GLRA3: variants seen among roughly 807,000 people sequenced by gnomAD.
GLRA3 encodes glycine receptor subunit alpha-3.
Under a neutral mutation model 60.4 loss-of-function variants are expected in GLRA3, and 44 were observed. That is an observed-to-expected ratio of 0.73 (90% CI 0.57 to 0.94). The LOEUF (loss-of-function observed/expected upper bound fraction) is 0.94, where lower values mean the gene tolerates loss of function less well. GLRA3 is among the 40% of genes least tolerant of loss of function. GLRA3 has a pLI of 0.00. For synonymous variants in GLRA3, 223 were observed against 192.9 expected (o/e 1.16, Z -1.29); for missense variants, 508 against 564.6 (o/e 0.90, Z 1.02).
At chr4:174,685,595 G>C (rs1240926534) in intron 5 of GLRA3, among the ~76,000 whole-genome samples, 1 of 152,162 alleles carries the variant, frequency 6.6e-6, no homozygotes, top group Non-Finnish European at 1.5e-5. Flanking sequence ...TAACACAGCA[G>C]GGACTTAATA....
At chr4:174,677,955 GT>G (rs532806041) in intron 6 of GLRA3, among the ~76,000 whole-genome samples, 47 of 152,228 alleles carry the variant, frequency 3.1e-4, no homozygotes, top group Admixed American at 1.6e-3. Flanking sequence ...CTCATAGACT[GT>G]TTCTGGTGTT....
rs757226376 is a variant in GLRA3, at chr4:174,828,730, A to G, written c.71+11T>C. On this transcript the variant is annotated intron_variant, in intron 1 of 9. Coordinates refer to ENST00000274093, the MANE Select transcript of GLRA3 (RefSeq NM_006529.4). ...ATGAGTTCTCCGACTGTTAAATCCA[A>G]GCGAACTCACCTGAGTAACAGTGCT... The G allele has an allele frequency of 1.9e-6, 3 of 1,574,320 alleles. No individual in the cohort carries two copies. The highest frequency in any genetic ancestry group is 2.2e-5 in the South Asian group (2 of 90,182).
intron 1 of GLRA3, among the ~76,000 whole-genome samples, chr4:174,791,789 A>G (rs1739356837): frequency 6.6e-6 from 1 of 152,184 alleles, no homozygotes; most frequent in Non-Finnish European, 1.5e-5. Context: ...TGAAAACTGG[A>G]CATTTTAAGT....
intron 1 of GLRA3, among the ~76,000 whole-genome samples, chr4:174,823,627 A>G (rs1740838169): frequency 6.6e-6 from 1 of 152,210 alleles, no homozygotes; most frequent in Admixed American, 6.5e-5. Flanking sequence ...TGGGCAAATT[A>G]AGGAGGCTTT....
intron 5 of GLRA3, among the ~76,000 whole-genome samples, chr4:174,706,052 A>G (rs1414419691): frequency 6.6e-6 from 1 of 151,770 alleles, no homozygotes; most frequent in East Asian, 1.9e-4. Context: ...ACATGGTGAA[A>G]CCCCGTCTCT....
At chr4:174,684,899 C>T (rs1408746125) in intron 5 of GLRA3, among the ~76,000 whole-genome samples, 2 of 152,098 alleles carry the variant, frequency 1.3e-5, no homozygotes, top group East Asian at 3.9e-4. Flanking sequence ...ATCCCAGCTA[C>T]TTGGGAGGCT....
chr4:174,726,821 T>C (rs1736343302), intron 4 of GLRA3, among the ~76,000 whole-genome samples: 1 of 151,668 alleles, frequency 6.6e-6, no homozygotes, highest in Non-Finnish European at 1.5e-5. Flanking sequence ...AGATTCTTGC[T>C]ATCTTTTGAT....
intron 1 of GLRA3, among the ~76,000 whole-genome samples, chr4:174,820,589 C>A (rs929001203): frequency 2.0e-5 from 3 of 152,112 alleles, no homozygotes; most frequent in African/African-American, 7.2e-5. Context: ...TTAGGGAGAC[C>A]AGAGGCTTCT....
At chr4:174,773,568 A>G (rs1228715554) in intron 2 of GLRA3, among the ~76,000 whole-genome samples, 3 of 152,202 alleles carry the variant, frequency 2.0e-5, no homozygotes, top group African/African-American at 7.2e-5. Context: ...AATGCAACTA[A>G]AAGATTAAAT....
At chr4:174,797,282 A>G (rs1246737379) in intron 1 of GLRA3, among the ~76,000 whole-genome samples, 6 of 152,196 alleles carry the variant, frequency 3.9e-5, no homozygotes, top group Admixed American at 3.9e-4. Context: ...TAAGATTGTT[A>G]GCAAATTAGC....
In GLRA3 at chr4:174,755,296, C is replaced by A. The variant is rs146778139; in HGVS notation, c.267+11667G>T. On this transcript the variant is annotated intron_variant, in intron 3 of 9. Coordinates refer to ENST00000274093, the MANE Select transcript of GLRA3 (RefSeq NM_006529.4). ...AGCATGTCGCTAGCTGTTAATGATA[C>A]AATGATGAGCAAATCACAGAGAACT... Among the ~76,000 whole-genome samples the A allele has an allele frequency of 8.5e-3, 1,288 of 152,092 alleles. 9 individuals carry two copies. The highest frequency in any genetic ancestry group is 0.015 in the Non-Finnish European group (1,034 of 67,922).
chr4:174,648,306 C>CA (rs201218734), intron 9 of GLRA3, among the ~76,000 whole-genome samples: 16 of 151,908 alleles, frequency 1.1e-4, no homozygotes, highest in Middle Eastern at 3.4e-3. Flanking sequence ...ACTAAAAATA[C>CA]AAAAAAAATT....
rs187151913 is a variant in GLRA3 at position 174,646,520 on chromosome 4, G to C, written c.1117-2456C>G. On this transcript the variant is annotated intron_variant, in intron 9 of 9. Transcript: ENST00000274093. ...GTGAGGGGCTGCACCTGCACTGGGG[G>C]AGCTGTGTATTGGCCTGAAGACCTT... Among the ~76,000 whole-genome samples, 29 of 152,316 alleles carry C rather than the reference G, an allele frequency of 1.9e-4. No individual in the cohort carries two copies. The East Asian group carries it at 5.0e-3, about 26-fold the overall frequency.
chr4:174,827,284 A>C (rs897117835), intron 1 of GLRA3, among the ~76,000 whole-genome samples: 108 of 151,978 alleles, frequency 7.1e-4, no homozygotes, highest in African/African-American at 2.5e-3. Context: ...ACATGTTTTA[A>C]CAAATATCAT....
At chr4:174,770,122 T>A (rs1429524979) in intron 2 of GLRA3, among the ~76,000 whole-genome samples, 1 of 152,158 alleles carries the variant, frequency 6.6e-6, no homozygotes, top group South Asian at 2.1e-4. Flanking sequence ...CTTTTCAACC[T>A]ATTCTCTAGA....
At chr4:174,771,873 T>C (rs556469531) in intron 2 of GLRA3, among the ~76,000 whole-genome samples, 4 of 152,248 alleles carry the variant, frequency 2.6e-5, no homozygotes, top group African/African-American at 9.6e-5. Flanking sequence ...TATGGACAAT[T>C]GTGGTGAAAG....
At chr4:174,827,459 A>T (rs1741022966) in intron 1 of GLRA3, among the ~76,000 whole-genome samples, 1 of 151,712 alleles carries the variant, frequency 6.6e-6, no homozygotes, top group African/African-American at 2.4e-5. Context: ...TAATCAATTT[A>T]TATTTTAACA....
intron 3 of GLRA3, among the ~76,000 whole-genome samples, chr4:174,732,425 A>G (rs1173159679): frequency 2.0e-5 from 3 of 152,150 alleles, no homozygotes; most frequent in Non-Finnish European, 4.4e-5. Context: ...CACTCAGGAT[A>G]CAAACATTTT....
chr4:174,737,105 A>T (rs1736825069), intron 3 of GLRA3, among the ~76,000 whole-genome samples: 1 of 152,182 alleles, frequency 6.6e-6, no homozygotes. Flanking sequence ...TTAAAATATC[A>T]TATGTAATTT....
Sources: gnomAD v4.1 joint callset for allele counts (sites outside exome capture counted in the v4.1 genomes callset) on GRCh38, gnomAD v4.1.1 for gene constraint, MANE v1.5 for transcripts, NCBI Gene and HGNC (gene_info 2026-07-23, HGNC 2026-07-21) for gene names.